The following GRIA3 variants were observed in gnomAD, a reference collection of about 807,000 sequenced individuals.
GRIA3 encodes glutamate receptor 3.
A neutral mutation model predicts 63.0 loss-of-function variants in GRIA3; 3 were observed. That is an observed-to-expected ratio of 0.05 (90% confidence interval 0.02 to 0.12). The LOEUF (loss-of-function observed/expected upper bound fraction) is 0.12, where lower values mean the gene tolerates loss of function less well. Ranked by LOEUF, GRIA3 falls within the 10% of genes least tolerant of loss-of-function variation. The pLI is 1.00. For synonymous variants in GRIA3, 274 were observed against 257.9 expected (o/e 1.06, Z -0.60); for missense variants, 347 against 700.9 (o/e 0.50, Z 5.70).
At chrX:123,365,311 T>G (rs1328103416) in intron 5 of GRIA3, among the ~76,000 whole-genome samples, 1 of 111,434 alleles carries the variant, frequency 9.0e-6, no homozygotes, top group Admixed American at 9.5e-5. Context: ...AGAATGAAAT[T>G]TCAATAGAGG....
At chrX:123,278,995 T>A (rs1260620289) in intron 3 of GRIA3, among the ~76,000 whole-genome samples, 1 of 111,813 alleles carries the variant, frequency 8.9e-6, no homozygotes, top group Admixed American at 9.6e-5. Context: ...TTGCATTGAG[T>A]CTGTAGATCA....
At chrX:123,305,623 G>C (rs930174055) in intron 3 of GRIA3, among the ~76,000 whole-genome samples, 3 of 111,663 alleles carry the variant, frequency 2.7e-5, no homozygotes, top group African/African-American at 9.8e-5. Context: ...TTCTACATAG[G>C]CATTTTGTAT....
rs1448730151 is a variant in GRIA3 at position 123,490,771 on chromosome X, C to T, written c.*2061C>T. 8.9e-6 allele frequency: 1 copy of T among 112,117 alleles called. No homozygotes were observed. Among genetic ancestry groups the T allele is most frequent in the African/African-American group, 3.3e-5 (1 of 30,748 alleles). The allele number at this position is 112,117 out of a possible 1,213,427, so 9.2% of individuals were successfully genotyped here. ...TTTTCTTTTTGTTGTTAAAGCTGTA[C>T]TTCAGTGAACAGAAAAATTGCCAAG... On this transcript the variant is annotated 3_prime_UTR_variant, in exon 16 of 16. Coordinates refer to ENST00000620443, the MANE Select transcript of GRIA3 (RefSeq NM_007325.5).
At chrX:123,198,118 G>A (rs1927623077) in intron 2 of GRIA3, among the ~76,000 whole-genome samples, 2 of 111,769 alleles carry the variant, frequency 1.8e-5, no homozygotes, top group African/African-American at 6.5e-5. Context: ...AATCCTTTTA[G>A]TCACTTGCCA....
intron 4 of GRIA3, among the ~76,000 whole-genome samples, chrX:123,350,792 T>C (rs2147347778): frequency 8.9e-6 from 1 of 112,590 alleles, no homozygotes; most frequent in Non-Finnish European, 1.9e-5. Flanking sequence ...CTTCTACGAA[T>C]GAAACTCTAC....
intron 5 of GRIA3, among the ~76,000 whole-genome samples, chrX:123,360,695 CAA>C (rs751591594): frequency 4.2e-4 from 22 of 52,395 alleles, no homozygotes; most frequent in African/African-American, 1.6e-3. Context: ...GACTCTGTCT[CAA>C]AAAAAAAAAA....
rs1291555860 is a variant in GRIA3 at position 123,310,515 on chromosome X, C to A, written c.509-15511C>A. Among the ~76,000 whole-genome samples, 3 of 113,058 alleles carry A rather than the reference C, an allele frequency of 2.7e-5. No individual in the cohort carries two copies. The Admixed American group carries it at 2.8e-4, about 11-fold the overall frequency. ...AAAGAAGACTAGATCAAATGGTGAG[C>A]TGGCTTTGCTTACATCTCTTTGCTT... On this transcript the variant is annotated intron_variant, in intron 3 of 15. Transcript: ENST00000620443.
chrX:123,441,888 T>C (rs1247642986), intron 12 of GRIA3, among the ~76,000 whole-genome samples: 1 of 111,940 alleles, frequency 8.9e-6, no homozygotes, highest in Admixed American at 9.5e-5. Context: ...GTTTATTATA[T>C]ATGAAAGTCA....
intron 4 of GRIA3, among the ~76,000 whole-genome samples, chrX:123,344,062 T>G (rs2045027681): frequency 8.9e-6 from 1 of 112,229 alleles, no homozygotes; most frequent in African/African-American, 3.2e-5. Flanking sequence ...TAAAACGACT[T>G]GTGAAATATC....
At chrX:123,421,298 A>T (rs370927892) in intron 11 of GRIA3, among the ~76,000 whole-genome samples, 2 of 111,836 alleles carry the variant, frequency 1.8e-5, no homozygotes, top group African/African-American at 6.5e-5. Flanking sequence ...CATATTTCTG[A>T]TATATACTAG....
At chrX:123,484,306 A>G (rs963956121) in intron 15 of GRIA3, among the ~76,000 whole-genome samples, 2 of 112,701 alleles carry the variant, frequency 1.8e-5, no homozygotes, top group African/African-American at 6.4e-5. Flanking sequence ...TGCATCTGTC[A>G]TCACTAAAAT....
At chrX:123,329,513 G>A in intron 4 of GRIA3, among the ~76,000 whole-genome samples, 1 of 111,402 alleles carries the variant, frequency 9.0e-6, no homozygotes, top group South Asian at 3.8e-4. Context: ...TACATTAGGG[G>A]AAAAATTCAA....
chrX:123,375,302 A>C (rs1255527767), intron 5 of GRIA3, among the ~76,000 whole-genome samples: 1 of 112,119 alleles, frequency 8.9e-6, no homozygotes, highest in East Asian at 2.8e-4. Flanking sequence ...GGTCTTGATG[A>C]ATGACATTGT....
chrX:123,476,494 A>C (rs1257840029), intron 13 of GRIA3, among the ~76,000 whole-genome samples: 1 of 111,673 alleles, frequency 9.0e-6, no homozygotes, highest in Non-Finnish European at 1.9e-5. Context: ...CCGTCTCAGA[A>C]ATTTAGTCTA....
At chrX:123,318,322 T>C (rs1242652691) in intron 3 of GRIA3, among the ~76,000 whole-genome samples, 1 of 112,474 alleles carries the variant, frequency 8.9e-6, no homozygotes, top group Non-Finnish European at 1.9e-5. Flanking sequence ...TGCAAATTTC[T>C]GCAGCCCGGT....
intron 13 of GRIA3, among the ~76,000 whole-genome samples, chrX:123,468,069 C>G (rs1159233376): frequency 1.8e-5 from 2 of 112,274 alleles, no homozygotes; most frequent in Non-Finnish European, 3.8e-5. Flanking sequence ...GTCATTCCTA[C>G]AGCCAGTCTT....
chrX:123,382,931 C>G (rs966303910), intron 5 of GRIA3, among the ~76,000 whole-genome samples: 1 of 111,805 alleles, frequency 8.9e-6, no homozygotes, highest in Non-Finnish European at 1.9e-5. Context: ...ACCCTGAGGA[C>G]TGTAATGGTG....
intron 3 of GRIA3, among the ~76,000 whole-genome samples, chrX:123,313,770 A>C (rs1277507604): frequency 8.9e-6 from 1 of 112,168 alleles, no homozygotes; most frequent in African/African-American, 3.2e-5. Flanking sequence ...TTACAAGTCC[A>C]TAGGCACAGG....
intron 10 of GRIA3, among the ~76,000 whole-genome samples, chrX:123,413,532 CAAAAAAAAAAAAAAAAAAAAAAAA>C (rs570201736): frequency 1.3e-4 from 2 of 15,871 alleles, no homozygotes; most frequent in Admixed American, 1.3e-3. Flanking sequence ...CTCTCTCTGC[CAAAAAAAAAAAAAAAAAAAAAAAA>C]AAAAAAAAAA....
Sources: gnomAD v4.1 joint callset for allele counts (sites outside exome capture counted in the v4.1 genomes callset) on GRCh38, gnomAD v4.1.1 for gene constraint, MANE v1.5 for transcripts, NCBI Gene and HGNC (gene_info 2026-07-23, HGNC 2026-07-21) for gene names.